The following CLEC16A variants were observed in gnomAD, a reference collection of about 807,000 sequenced individuals.
CLEC16A encodes C-type lectin domain containing 16A, also known as protein CLEC16A.
In CLEC16A, 51 loss-of-function variants were observed where a neutral mutation model predicts 109.5. The observed-to-expected ratio is 0.47, with a 90% CI of 0.37 to 0.59. CLEC16A has a LOEUF of 0.59. CLEC16A is among the 20% of genes least tolerant of loss of function. The pLI, the probability that CLEC16A is intolerant of heterozygous loss-of-function variation, is 0.00. For synonymous variants in CLEC16A, 673 were observed against 564.2 expected, an observed-to-expected ratio of 1.19 and a Z score of -2.73; for missense variants, 1,339 against 1,394.0, an observed-to-expected ratio of 0.96 and a Z score of 0.63.
intron 22 of CLEC16A, 127 bp from the exon 23 acceptor site, chr16:11,166,261 G>C: frequency 9.7e-7 from 1 of 1,028,962 alleles, no homozygotes; most frequent in East Asian, 2.9e-5. Context: ...AGTGAGGTCA[G>C]CCTGTTCCAG....
intron 10 of CLEC16A, among the ~76,000 whole-genome samples, chr16:10,991,286 G>T (rs561920410): frequency 6.6e-6 from 1 of 152,030 alleles, no homozygotes; most frequent in Non-Finnish European, 1.5e-5. Flanking sequence ...AAGGAAGCAA[G>T]AGAGTGAGTC....
chr16:10,962,260 T>C (rs1188291706), intron 2 of CLEC16A, among the ~76,000 whole-genome samples, 195 bp from the exon 3 acceptor site: 1 of 152,188 alleles, frequency 6.6e-6, no homozygotes, highest in African/African-American at 2.4e-5. Flanking sequence ...TAAAACTCAT[T>C]TAATACTCAT....
At chr16:11,083,832 G>A (rs761156414) in intron 19 of CLEC16A, among the ~76,000 whole-genome samples, 16 of 152,314 alleles carry the variant, frequency 1.1e-4, no homozygotes, top group Non-Finnish European at 2.1e-4. Context: ...AGGGGGACCT[G>A]ACATGAAGAG....
intron 19 of CLEC16A, among the ~76,000 whole-genome samples, chr16:11,086,932 G>C (rs1381142840): frequency 2.0e-5 from 3 of 152,132 alleles, no homozygotes; most frequent in African/African-American, 4.8e-5. Flanking sequence ...GAATCCTCAG[G>C]GGGAGGCCCT....
chr16:11,166,690 A>G, intron 23 of CLEC16A, 138 bp downstream of exon 23: 2 of 890,850 alleles, frequency 2.2e-6, no homozygotes, highest in Admixed American at 6.9e-5. Context: ...TCTGCACATG[A>G]AGCCTCTAGA....
Position 10,973,041 on chromosome 16 carries a change from C to T in CLEC16A, c.708C>T (p.Asp236=). Residue 236 remains aspartate (D), a synonymous_variant, in exon 7 of 24, where the codon GAC becomes GAT. Transcript: ENST00000409790. ...GGAGCCATGTGATCGAACTCGATGA[C>T]TGCGTGCAGACTGATGAGGAGTAAG... is the stretch of plus-strand genomic sequence containing the variant. ...FIGSHVIELD[D]CVQTDEEHRN... is the part of the protein sequence containing the mutation. The T allele has an allele frequency of 6.2e-7, 1 of 1,607,546 alleles. No homozygotes were observed. The highest frequency in any genetic ancestry group is 8.5e-7 in the Non-Finnish European group (1 of 1,176,774).
In CLEC16A at chr16:10,954,337, G is replaced by A. The variant is rs113647604; in HGVS notation, c.81-3445G>A. On this transcript the variant is annotated intron_variant, in intron 1 of 23. Transcript: ENST00000409790. The surrounding 1 kb of genome is among the most constrained non-coding windows in gnomAD (Gnocchi z 4.2). Reference sequence around the variant, plus strand: ...GAAGCCCTCGCAGAGAACCAGGCACGTGGGGGCTCCTAGAATCTTTTTTTC... The same window carrying A: ...GAAGCCCTCGCAGAGAACCAGGCACATGGGGGCTCCTAGAATCTTTTTTTC... Among the ~76,000 whole-genome samples the A allele has an allele frequency of 4.3e-3, 651 of 152,290 alleles. 8 individuals are homozygous for A. Among genetic ancestry groups the A allele is most frequent in the African/African-American group, 0.015 (607 of 41,556 alleles).
intron 10 of CLEC16A, among the ~76,000 whole-genome samples, chr16:10,986,414 G>A (rs2146886922): frequency 6.6e-6 from 1 of 152,186 alleles, no homozygotes; most frequent in Admixed American, 6.5e-5. Flanking sequence ...GTTGAGTGTA[G>A]GCACAGCATC....
At chr16:11,019,367 A>C (rs1035246424) in intron 11 of CLEC16A, among the ~76,000 whole-genome samples, 2 of 152,184 alleles carry the variant, frequency 1.3e-5, no homozygotes, top group Non-Finnish European at 2.9e-5. Flanking sequence ...ACCCTTGTTT[A>C]ATGGGGAGAA....
rs2051829068 is a variant in CLEC16A at position 11,114,430 on chromosome 16, T to G, written c.2117-6185T>G. On this transcript the variant is annotated intron_variant, in intron 19 of 23. Coordinates refer to ENST00000409790, the MANE Select transcript of CLEC16A (RefSeq NM_015226.3). The stretch of plus-strand genomic sequence containing the variant: ...GTCTCATGTCACCTGTCAGCTGCAC[T>G]GGCCTCTCCTTGCCATGGCCACTCC... Among the ~76,000 whole-genome samples the G allele has an allele frequency of 3.3e-5, 5 of 152,132 alleles. No homozygotes were observed. In the South Asian group the frequency reaches 8.3e-4, roughly 25 times the overall value.
intron 19 of CLEC16A, among the ~76,000 whole-genome samples, chr16:11,084,415 G>A (rs1318309786): frequency 2.6e-5 from 4 of 152,152 alleles, no homozygotes; most frequent in Non-Finnish European, 4.4e-5. Flanking sequence ...AGGGCCCACA[G>A]TGTAGCAGGT....
chr16:10,957,765 T>C lies in CLEC16A; in HGVS notation c.81-17T>C. On this transcript the variant is annotated splice_polypyrimidine_tract_variant and intron_variant, in intron 1 of 23. Coordinates refer to ENST00000409790, the MANE Select transcript of CLEC16A (RefSeq NM_015226.3). The stretch of plus-strand genomic sequence containing the variant: ...CAGTTGGTAACCTTTAATTTCCTTT[T>C]CTCTCATTTCTCTCAGGTATCTGTA... 6.2e-7 allele frequency: 1 copy of C among 1,613,608 alleles called. No homozygotes were observed. Among genetic ancestry groups the C allele is most frequent in the Non-Finnish European group, 8.5e-7 (1 of 1,179,592 alleles).
intron 18 of CLEC16A, 103 bp from the exon 19 acceptor site, chr16:11,060,799 T>C: frequency 8.0e-7 from 1 of 1,245,008 alleles, no homozygotes; most frequent in Non-Finnish European, 1.1e-6. Flanking sequence ...TGCGTTTCTT[T>C]CTTTTTTAAT....
intron 19 of CLEC16A, among the ~76,000 whole-genome samples, chr16:11,089,336 G>T (rs946305177): frequency 1.6e-4 from 25 of 152,126 alleles, no homozygotes; most frequent in African/African-American, 6.0e-4. Context: ...TGCCGTCATT[G>T]CATTAAATGG....
In CLEC16A at chr16:10,972,343, T is replaced by C. The variant is rs1406853031; in HGVS notation, c.599-211T>C. On this transcript the variant is annotated intron_variant, in intron 5 of 23. Transcript: ENST00000409790. ...TAGCCAACGTGGCAGGCTTGTAAGA[T>C]TGTGACCCTGGTCCAAGCCACAGTT... The C allele has an allele frequency of 8.8e-6, 5 of 569,442 alleles. No individual in the cohort carries two copies. In the East Asian group the frequency reaches 1.5e-4, roughly 17 times the overall value. The allele number at this position is 569,442 out of a possible 1,614,324, so 35.3% of individuals were successfully genotyped here. A position where few individuals can be genotyped will look rare whatever the true frequency, so the allele number is the denominator to read the frequency against.
At chr16:11,176,139 C>T (rs1008715235) in intron 23 of CLEC16A, among the ~76,000 whole-genome samples, 2 of 152,266 alleles carry the variant, frequency 1.3e-5, no homozygotes, top group Non-Finnish European at 2.9e-5. Context: ...CAGGGAACCA[C>T]AGGTTCTGAG....
At chr16:11,059,324 A>G (rs1255445055) in intron 18 of CLEC16A, among the ~76,000 whole-genome samples, 5 of 152,352 alleles carry the variant, frequency 3.3e-5, no homozygotes, top group African/African-American at 1.2e-4. Flanking sequence ...GAATGCTACC[A>G]CCACCATCAT....
intron 22 of CLEC16A, among the ~76,000 whole-genome samples, chr16:11,152,074 C>T (rs1056896318): frequency 2.0e-5 from 3 of 152,176 alleles, no homozygotes; most frequent in African/African-American, 7.2e-5. Context: ...CATTGAACAG[C>T]AGATGCCTAA....
chr16:11,088,441 G>A (rs1396848886), intron 19 of CLEC16A, among the ~76,000 whole-genome samples: 1 of 152,236 alleles, frequency 6.6e-6, no homozygotes, highest in African/African-American at 2.4e-5. Flanking sequence ...TCAGCTGGGT[G>A]TGGGTGAAAG....
Sources: gnomAD v4.1 joint callset for allele counts (sites outside exome capture counted in the v4.1 genomes callset) on GRCh38, gnomAD v4.1.1 for gene constraint, Gnocchi (gnomAD v3.1) non-coding constraint, MANE v1.5 for transcripts, NCBI Gene and HGNC (gene_info 2026-07-23, HGNC 2026-07-21) for gene names.